ATXN7L2: variants seen among roughly 807,000 people sequenced by gnomAD.
The protein encoded by ATXN7L2 is ataxin 7 like 2.
Under a neutral mutation model 59.6 loss-of-function variants are expected in ATXN7L2, and 17 were observed. The observed-to-expected ratio is 0.29, with a 90% confidence interval of 0.20 to 0.43. The LOEUF (loss-of-function observed/expected upper bound fraction) is 0.43. Among genes scored for constraint, ATXN7L2 ranks in the 20% least tolerant of loss-of-function variants. The pLI, the probability that ATXN7L2 is intolerant of heterozygous loss-of-function variation, is 1.00. For missense variants in ATXN7L2, 858 were observed against 1,008.9 expected (o/e 0.85, Z 2.03); for synonymous variants, 378 against 392.5 (o/e 0.96, Z 0.44).
intron 1 of ATXN7L2, among the ~76,000 whole-genome samples, chr1:109,484,976 C>T (rs1476539755): frequency 6.6e-6 from 1 of 152,208 alleles, no homozygotes; most frequent in Non-Finnish European, 1.5e-5. Context: ...TGCCCCTTGT[C>T]TCTTGCGTGC....
In ATXN7L2 at chr1:109,486,336, C is replaced by G. The variant is rs1656582417; in HGVS notation, c.194-170C>G. On this transcript the variant is annotated intron_variant, in intron 2 of 10. Coordinates refer to ENST00000683729, the MANE Select transcript of ATXN7L2 (RefSeq NM_001350175.2). The surrounding 1 kb of genome is among the most constrained non-coding windows in gnomAD (Gnocchi z 4.3). ...GCCCACTCACCTGAAAGCGTATACC[C>G]TTTGGGACTGCTTAGATCGAACTCT... 1.1e-6 allele frequency: 1 copy of G among 942,808 alleles called. No individual in the cohort carries two copies. The highest frequency in any genetic ancestry group is 1.6e-6 in the Non-Finnish European group (1 of 643,316). The allele number at this position is 942,808 out of a possible 1,614,324, so 58.4% of individuals were successfully genotyped here. A position where few individuals can be genotyped will look rare whatever the true frequency, so the allele number is the denominator to read the frequency against.
Position 109,491,360 on chromosome 1 carries a change from G to A in ATXN7L2, c.1893G>A (p.Arg631=), listed in dbSNP as rs777807723. 33 of 1,614,132 alleles carry A rather than the reference G, an allele frequency of 2.0e-5. No homozygotes were observed. The highest frequency in any genetic ancestry group is 2.7e-5 in the Non-Finnish European group (32 of 1,180,060). The part of the protein sequence containing the change: ...PTGKGKPSGC[R]GLSAKTKTAL... ...GAAAAGGGAAACCCTCTGGCTGTAG[G>A]GGCCTCTCGGCCAAAACTAAAACAG... Residue 631 remains arginine, a synonymous_variant, in exon 10 of 11, where the codon AGG becomes AGA. Coordinates refer to ENST00000683729, the MANE Select transcript of ATXN7L2 (RefSeq NM_001350175.2). This position sits in a 1 kb window ranked among gnomAD's most constrained non-coding sequence, Gnocchi z 4.1.
At position 109,487,192 on chromosome 1, in the gene ATXN7L2, GAGAAGACCC is replaced by G. The variant is rs1346165499; in HGVS notation, c.490_498del (p.Thr164_Lys166del). ...CCGGAGCCGTGGCCACCAGCCTCCT[GAGAAGACCC>G]AGAAGGACAACCTCTGGTAAGGAGA... On this transcript the variant is annotated inframe_deletion, in exon 4 of 11. Coordinates refer to ENST00000683729, the MANE Select transcript of ATXN7L2 (RefSeq NM_001350175.2). 23 of 1,579,720 alleles carry G rather than the reference GAGAAGACCC, an allele frequency of 1.5e-5. No individual in the cohort carries two copies. The highest frequency in any genetic ancestry group is 2.0e-5 in the Non-Finnish European group (23 of 1,162,816).
chr1:109,487,353 C>T (rs1429023789), intron 4 of ATXN7L2, 136 bp downstream of exon 4: 2 of 1,166,122 alleles, frequency 1.7e-6, no homozygotes, highest in East Asian at 5.5e-5. Flanking sequence ...AGCTTCCTTC[C>T]ATATATTCCA....
At chr1:109,492,130 T>C (rs1657129772) in intron 10 of ATXN7L2, 2 of 1,050,766 alleles carry the variant, frequency 1.9e-6, no homozygotes, top group African/African-American at 3.4e-5. Context: ...TCACTGGTTT[T>C]TCCTCTGGGC....
At position 109,487,481 on chromosome 1, in the gene ATXN7L2, T is replaced by G. The variant is rs1656677798; in HGVS notation, c.510-37T>G. 2.7e-6 allele frequency: 4 copies of G among 1,460,232 alleles called. No homozygotes were observed. In the East Asian group the frequency reaches 9.9e-5, roughly 36 times the overall value. The allele number at this position is 1,460,232 out of a possible 1,614,324, so 90.5% of individuals were successfully genotyped here. On this transcript the variant is annotated intron_variant, in intron 4 of 10. Coordinates refer to ENST00000683729, the MANE Select transcript of ATXN7L2 (RefSeq NM_001350175.2). ...TCCAGGCCCCAGGCCTCGCCTCCCC[T>G]CCCCTCCCTCAGCCAACCCCCTCTC... is the stretch of plus-strand genomic sequence containing the variant.
rs1489369912 is a variant in ATXN7L2, at chr1:109,491,149, G to A, written c.1682G>A (p.Ser561Asn). Residue 561 changes from serine (S) to asparagine (N), a missense_variant, in exon 10 of 11, where the codon AGC becomes AAC. Physicochemically the swap from Ser to Asn is conservative, Grantham distance 46. This residue lies in a region of ATXN7L2 where 734 missense variants were observed against 862.3 expected (regional missense o/e 0.85). Coordinates refer to ENST00000683729, the MANE Select transcript of ATXN7L2 (RefSeq NM_001350175.2). The surrounding 1 kb of genome is among the most constrained non-coding windows in gnomAD (Gnocchi z 4.1). Reference sequence around the variant, plus strand: ...AGCCAGGCAGAGTGCATGGGCGGGAGCCAGGCTATCACCTCACCACTGCCT... The same window carrying A: ...AGCCAGGCAGAGTGCATGGGCGGGAACCAGGCTATCACCTCACCACTGCCT... ...ACSQAECMGG[S>N]QAITSPLPAN... The A allele has an allele frequency of 1.2e-6, 2 of 1,613,502 alleles. No individual in the cohort carries two copies. The highest frequency in any genetic ancestry group is 1.7e-5 in the Admixed American group (1 of 60,002).
Position 109,488,963 on chromosome 1 carries a change from A to G in ATXN7L2, c.996A>G (p.Pro332=). Residue 332 remains proline, a synonymous_variant, in exon 7 of 11, where the codon CCA becomes CCG. Coordinates refer to ENST00000683729, the MANE Select transcript of ATXN7L2 (RefSeq NM_001350175.2). This position sits in a 1 kb window ranked among gnomAD's most constrained non-coding sequence, Gnocchi z 5.0. ...GGGAGTCTCCCAAGGAGAAGAGCCCAGGGCGCAAGGAGCAAGTTCTCGAGC... is the reference window on the plus strand; with the variant it reads ...GGGAGTCTCCCAAGGAGAAGAGCCCGGGGCGCAAGGAGCAAGTTCTCGAGC... ...RKGESPKEKS[P]GRKEQVLERP... 6.2e-7 allele frequency: 1 copy of G among 1,614,180 alleles called. No individual in the cohort carries two copies. The highest frequency in any genetic ancestry group is 8.5e-7 in the Non-Finnish European group (1 of 1,180,020).
At position 109,488,560 on chromosome 1, in the gene ATXN7L2, TC is replaced by T; in HGVS notation, c.879+97del. On this transcript the variant is annotated intron_variant, in intron 6 of 10. Transcript: ENST00000683729. The surrounding 1 kb of genome is among the most constrained non-coding windows in gnomAD (Gnocchi z 5.0). ...AGAGGAATGTCGATGTTACTGAAGGTCCAGCTTAAGGGAGGGCAGTTAGGCC... is the reference window on the plus strand; with the variant it reads ...AGAGGAATGTCGATGTTACTGAAGGTCAGCTTAAGGGAGGGCAGTTAGGCC... The T allele has an allele frequency of 7.1e-7, 1 of 1,400,010 alleles. No individual in the cohort carries two copies. The highest frequency in any genetic ancestry group is 9.9e-7 in the Non-Finnish European group (1 of 1,014,144). The allele number at this position is 1,400,010 out of a possible 1,614,324, so 86.7% of individuals were successfully genotyped here.
Position 109,488,723 on chromosome 1 carries a change from A to G in ATXN7L2, c.880-124A>G. ...GGGAATGAAACAAAGACACATGAAC[A>G]CAGCTGCAAATATGCCCACCTCTCT... On this transcript the variant is annotated intron_variant, in intron 6 of 10. Transcript: ENST00000683729. The surrounding 1 kb of genome is among the most constrained non-coding windows in gnomAD (Gnocchi z 5.0). 7.8e-7 allele frequency: 1 copy of G among 1,286,564 alleles called. No homozygotes were observed. Among genetic ancestry groups the G allele is most frequent in the Non-Finnish European group, 1.1e-6 (1 of 924,946 alleles). The allele number at this position is 1,286,564 out of a possible 1,614,324, so 79.7% of individuals were successfully genotyped here.
chr1:109,491,472 C>T lies in ATXN7L2; in HGVS notation c.2005C>T (p.Pro669Ser), dbSNP rs200432418. Residue 669 changes from proline to serine, a missense_variant, in exon 10 of 11, where the codon CCC becomes TCC. Around this residue, in one of 3 missense-constraint regions of ATXN7L2, gnomAD observed 734 missense variants for 862.3 expected, o/e 0.85. Transcript: ENST00000683729. The surrounding 1 kb of genome is among the most constrained non-coding windows in gnomAD (Gnocchi z 4.1). Reference sequence around the variant, plus strand: ...CTGTCGTGGCTCCCCTCATCAGCTCCCCACACCAGTCAAGGCTTCTCAGCT... The same window carrying T: ...CTGTCGTGGCTCCCCTCATCAGCTCTCCACACCAGTCAAGGCTTCTCAGCT... ...LDCRGSPHQL[P>S]TPVKASQLEN... is the part of the protein sequence containing the mutation. The T allele has an allele frequency of 1.1e-5, 17 of 1,614,000 alleles. No individual in the cohort carries two copies. The highest frequency in any genetic ancestry group is 1.7e-6 in the Non-Finnish European group (2 of 1,180,056).
At chr1:109,485,243 G>A in intron 1 of ATXN7L2, 1 of 975,434 alleles carries the variant, frequency 1.0e-6, no homozygotes, top group Non-Finnish European at 1.2e-6. Flanking sequence ...ACAGGGAGGG[G>A]GCGTAGAGGA....
rs748854536 is a variant in ATXN7L2, at chr1:109,488,472, C to G, written c.879+7C>G. On this transcript the variant is annotated splice_region_variant and intron_variant, in intron 6 of 10. Coordinates refer to ENST00000683729, the MANE Select transcript of ATXN7L2 (RefSeq NM_001350175.2). This position sits in a 1 kb window ranked among gnomAD's most constrained non-coding sequence, Gnocchi z 5.0. The stretch of plus-strand genomic sequence containing the variant: ...CCGCCTGTTGACCTGCAAGGTAACC[C>G]CCTTCCCACTGCACGGTGAGGGAGG... 4.4e-6 allele frequency: 7 copies of G among 1,605,774 alleles called. No individual in the cohort carries two copies. The highest frequency in any genetic ancestry group is 1.1e-5 in the South Asian group (1 of 89,780).
rs1656579740 is a variant in ATXN7L2 at position 109,486,307 on chromosome 1, G to C, written c.193+185G>C. ...GTCGTTGGAGATCATAATCATAGGT[G>C]ATTGCCCACTCACCTGAAAGCGTAT... On this transcript the variant is annotated intron_variant, in intron 2 of 10. Coordinates refer to ENST00000683729, the MANE Select transcript of ATXN7L2 (RefSeq NM_001350175.2). This position sits in a 1 kb window ranked among gnomAD's most constrained non-coding sequence, Gnocchi z 4.3. The C allele has an allele frequency of 3.9e-6, 4 of 1,035,002 alleles. No homozygotes were observed. Among genetic ancestry groups the C allele is most frequent in the Non-Finnish European group, 5.4e-6 (4 of 734,990 alleles). 64.1% of individuals were successfully genotyped at this position (1,035,002 alleles called of 1,614,324 possible). A position where few individuals can be genotyped will look rare whatever the true frequency, so the allele number is the denominator to read the frequency against.
Position 109,487,215 on chromosome 1 carries a change from C to T in ATXN7L2, c.507C>T (p.Leu169=). ...CTGAGAAGACCCAGAAGGACAACCT[C>T]TGGTAAGGAGAGGCTGGAAACTTTC... ...QPPEKTQKDN[L]CLFVPVVNLE... is the part of the protein sequence containing the mutation. The change falls in exon 4 of 11, where the codon CTC becomes CTT. Residue 169 remains leucine (L), a splice_region_variant and synonymous_variant. Coordinates refer to ENST00000683729, the MANE Select transcript of ATXN7L2 (RefSeq NM_001350175.2). 1.9e-6 allele frequency: 3 copies of T among 1,542,008 alleles called. No individual in the cohort carries two copies. The highest frequency in any genetic ancestry group is 1.7e-6 in the Non-Finnish European group (2 of 1,142,908).
At chr1:109,489,224 G>T in intron 7 of ATXN7L2, 124 bp downstream of exon 7, 1 of 1,295,920 alleles carries the variant, frequency 7.7e-7, no homozygotes, top group Non-Finnish European at 1.1e-6. Context: ...GAGTGTGGGG[G>T]TATTCCTGGG....
At chr1:109,490,207 T>C (rs924737445) in intron 8 of ATXN7L2, 64 bp from the exon 9 acceptor site, 7 of 1,592,270 alleles carry the variant, frequency 4.4e-6, no homozygotes, top group Non-Finnish European at 5.1e-6. Flanking sequence ...GGCCAGATCC[T>C]GTGTGCAGAT....
rs1301157660 is a variant in ATXN7L2, at chr1:109,487,518, C to T, written c.510C>T (p.Cys170=). 2 of 1,501,456 alleles carry T rather than the reference C, an allele frequency of 1.3e-6. No homozygotes were observed. The highest frequency in any genetic ancestry group is 4.7e-5 in the East Asian group (2 of 42,226). 93.0% of individuals were successfully genotyped at this position (1,501,456 alleles called of 1,614,324 possible). Residue 170 remains cysteine, a splice_region_variant and synonymous_variant, in exon 5 of 11, where the codon TGC becomes TGT. Transcript: ENST00000683729. ...GCCAACCCCCTCTCTCTGTGTGTAG[C>T]CTTTTCGTGCCTGTGGTGAATCTGG... The part of the protein sequence containing the change: ...PPEKTQKDNL[C]LFVPVVNLEK...
rs747804817 is a variant in ATXN7L2, at chr1:109,488,488, G to A, written c.879+23G>A. On this transcript the variant is annotated intron_variant, in intron 6 of 10. Coordinates refer to ENST00000683729, the MANE Select transcript of ATXN7L2 (RefSeq NM_001350175.2). This position sits in a 1 kb window ranked among gnomAD's most constrained non-coding sequence, Gnocchi z 5.0. ...AAGGTAACCCCCTTCCCACTGCACGGTGAGGGAGGACAGCACAGGGCTTGC... is the reference window on the plus strand; with the variant it reads ...AAGGTAACCCCCTTCCCACTGCACGATGAGGGAGGACAGCACAGGGCTTGC... 2.5e-6 allele frequency: 4 copies of A among 1,590,894 alleles called. No individual in the cohort carries two copies. The highest frequency in any genetic ancestry group is 3.4e-6 in the Non-Finnish European group (4 of 1,162,298).
Sources: allele counts gnomAD v4.1 joint callset (sites outside exome capture counted in the v4.1 genomes callset), GRCh38; gene constraint gnomAD v4.1.1; regional missense constraint gnomAD v4.1.1; non-coding constraint Gnocchi (gnomAD v3.1); transcripts MANE v1.5; gene names NCBI Gene and HGNC (gene_info 2026-07-23, HGNC 2026-07-21).